Variants in CCDC102B observed in about 807,000 individuals in gnomAD.
CCDC102B encodes the protein coiled-coil domain containing 102B, also known as coiled-coil domain-containing protein 102B.
A neutral mutation model predicts 57.4 loss-of-function variants in CCDC102B; 75 were observed. The ratio of observed to expected loss-of-function variants is 1.31; its 90% CI spans 1.08 to 1.58. The LOEUF (loss-of-function observed/expected upper bound fraction) is 1.58, where lower values mean the gene tolerates loss of function less well. CCDC102B is among the 40% of genes most tolerant of loss of function. CCDC102B has a pLI of 0.00. For missense variants in CCDC102B, 636 were observed against 582.6 expected, an observed-to-expected ratio of 1.09 and a Z score of -0.94; for synonymous variants, 206 against 201.9, an observed-to-expected ratio of 1.02 and a Z score of -0.17.
At chr18:69,034,780 A>AAT (rs1291134030) in intron 7 of CCDC102B, among the ~76,000 whole-genome samples, 1 of 151,610 alleles carries the variant, frequency 6.6e-6, no homozygotes, top group Non-Finnish European at 1.5e-5. Context: ...CACACACACA[A>AAT]ATATATATAC....
In CCDC102B at chr18:69,055,113, C is replaced by T. The variant is rs537561440; in HGVS notation, c.*976C>T. The T allele has an allele frequency of 8.7e-4, 854 of 983,748 alleles. 1 individual carries two copies. Among genetic ancestry groups the T allele is most frequent in the Middle Eastern group, 2.6e-3 (5 of 1,914 alleles). 60.9% of individuals were successfully genotyped at this position (983,748 alleles called of 1,614,324 possible). A position where few individuals can be genotyped will look rare whatever the true frequency, so the allele number is the denominator to read the frequency against. ...AATAACATACTGGTTTTACTCATCTCCCCCTCCATTGATTAGCCAAAAAAA... is the reference window on the plus strand; with the variant it reads ...AATAACATACTGGTTTTACTCATCTTCCCCTCCATTGATTAGCCAAAAAAA... On this transcript the variant is annotated 3_prime_UTR_variant, in exon 8 of 8. Transcript: ENST00000360242.
At chr18:68,865,878 T>A (rs533501560) in intron 4 of CCDC102B, among the ~76,000 whole-genome samples, 95 of 152,308 alleles carry the variant, frequency 6.2e-4, no homozygotes, top group African/African-American at 2.1e-3. Flanking sequence ...TAGTTAAAAA[T>A]GTGGCTTTGC....
chr18:69,001,513 G>C (rs1199594021), intron 6 of CCDC102B, among the ~76,000 whole-genome samples: 1 of 152,020 alleles, frequency 6.6e-6, no homozygotes, highest in African/African-American at 2.4e-5. Context: ...AAAGAATCAG[G>C]GACTCTCTGA....
intron 6 of CCDC102B, among the ~76,000 whole-genome samples, chr18:68,928,790 A>T (rs1395236992): frequency 1.3e-5 from 2 of 151,926 alleles, no homozygotes; most frequent in South Asian, 2.1e-4. Flanking sequence ...GCTTTTAAGT[A>T]GAGGAAAACT....
In CCDC102B at chr18:68,970,018, A is replaced by T. The variant is rs79133490; in HGVS notation, c.1264-40916A>T. Among the ~76,000 whole-genome samples, 1,702 of 152,200 alleles carry T rather than the reference A, an allele frequency of 0.011. 82 individuals are homozygous for T. The East Asian group carries it at 0.15, about 13-fold the overall frequency. Reference sequence around the variant, plus strand: ...CTTTCAGCAAATCTTACCTCATGTAAATCCATCAGCCATGGTTGTTTTCCT... The same window carrying T: ...CTTTCAGCAAATCTTACCTCATGTATATCCATCAGCCATGGTTGTTTTCCT... On this transcript the variant is annotated intron_variant, in intron 6 of 7. Transcript: ENST00000360242.
intron 6 of CCDC102B, among the ~76,000 whole-genome samples, chr18:68,980,639 T>C (rs562805231): frequency 3.5e-4 from 53 of 152,182 alleles, no homozygotes; most frequent in African/African-American, 1.2e-3. Flanking sequence ...GGTGATAACC[T>C]GAGCAAAGAT....
At chr18:68,715,223 C>T (rs1192029641), upstream of CCDC102B, 21 of 1,362,746 alleles carry the variant, frequency 1.5e-5, no homozygotes, top group East Asian at 3.1e-5. Context: ...CTTAAGAATC[C>T]TTTGCGCTCT....
At chr18:68,971,036 T>C (rs569289632) in intron 6 of CCDC102B, among the ~76,000 whole-genome samples, 5 of 152,132 alleles carry the variant, frequency 3.3e-5, no homozygotes, top group Admixed American at 3.3e-4. Context: ...GTATGAACAT[T>C]ATGCAATAAA....
rs1201163137 is a variant in CCDC102B, at chr18:68,905,952, C to G, written c.1263+8524C>G. On this transcript the variant is annotated intron_variant, in intron 6 of 7. Coordinates refer to ENST00000360242, the MANE Select transcript of CCDC102B (RefSeq NM_024781.3). ...GGGACTACAGGCGCCCGCCACCACG[C>G]CCGGCTAATTTTTTGTATTTTTAGT... Among the ~76,000 whole-genome samples the G allele has an allele frequency of 3.3e-5, 5 of 151,976 alleles. No homozygotes were observed. In the East Asian group the frequency reaches 7.8e-4, roughly 24 times the overall value.
At chr18:68,958,748 G>C (rs975331104) in intron 6 of CCDC102B, among the ~76,000 whole-genome samples, 6 of 151,948 alleles carry the variant, frequency 3.9e-5, no homozygotes, top group Non-Finnish European at 7.4e-5. Flanking sequence ...AAGCTCATTA[G>C]TTCTTTCTTC....
chr18:69,035,577 C>T (rs919880502), intron 7 of CCDC102B, among the ~76,000 whole-genome samples: 2 of 152,044 alleles, frequency 1.3e-5, no homozygotes, highest in East Asian at 1.9e-4. Context: ...AATCATGTAA[C>T]AAATGCTATA....
intron 3 of CCDC102B, 31 bp from the exon 4 acceptor site, chr18:68,846,282 C>T: frequency 1.4e-6 from 2 of 1,391,460 alleles, no homozygotes; most frequent in Non-Finnish European, 1.9e-6. Context: ...TTGAAGCCGA[C>T]TTTTTTTCTT....
chr18:69,044,312 C>T (rs985868173), intron 7 of CCDC102B, among the ~76,000 whole-genome samples: 3 of 152,184 alleles, frequency 2.0e-5, no homozygotes. Flanking sequence ...TCTCATTTTG[C>T]CACAGTAACT....
chr18:68,958,377 T>A (rs2049961770), intron 6 of CCDC102B, among the ~76,000 whole-genome samples: 1 of 152,214 alleles, frequency 6.6e-6, no homozygotes, highest in Admixed American at 6.5e-5. Context: ...AGCACCTTGA[T>A]TTATTTGCAT....
intron 1 of CCDC102B, among the ~76,000 whole-genome samples, chr18:68,825,885 GA>G (rs1007095584): frequency 7.9e-5 from 12 of 152,050 alleles, no homozygotes; most frequent in Admixed American, 7.2e-4. Flanking sequence ...AGCACTTTAG[GA>G]AAATGAATCT....
chr18:69,054,099 A>T lies in CCDC102B; in HGVS notation c.1504A>T (p.Asn502Tyr), dbSNP rs1321283238. The change falls in exon 8 of 8, where the codon AAC becomes TAC. Residue 502 changes from asparagine (N) to tyrosine (Y), a missense_variant. Asn to Tyr is a moderately radical substitution (Grantham distance 143, BLOSUM62 -2). Transcript: ENST00000360242. ...SLDEEKERNENLETELRHLQN... is the reference protein window; with the variant it reads ...SLDEEKERNEYLETELRHLQN... Reference sequence around the variant, plus strand: ...GGATGAAGAGAAAGAAAGAAATGAAAACTTAGAGACTGAACTCAGGCACTT... The same window carrying T: ...GGATGAAGAGAAAGAAAGAAATGAATACTTAGAGACTGAACTCAGGCACTT... The T allele has an allele frequency of 3.7e-6, 6 of 1,607,746 alleles. No homozygotes were observed. The highest frequency in any genetic ancestry group is 4.2e-6 in the Non-Finnish European group (5 of 1,178,292).
chr18:68,934,643 A>C (rs2041784208), intron 6 of CCDC102B, among the ~76,000 whole-genome samples: 1 of 152,022 alleles, frequency 6.6e-6, no homozygotes, highest in South Asian at 2.1e-4. Flanking sequence ...GTAATTATCC[A>C]TTGAGAGGGA....
At chr18:69,007,946 A>G (rs1037115566) in intron 6 of CCDC102B, among the ~76,000 whole-genome samples, 3 of 152,114 alleles carry the variant, frequency 2.0e-5, no homozygotes, top group East Asian at 1.9e-4. Context: ...CTCCTTTTAA[A>G]TCGGTCTAAG....
intron 2 of CCDC102B, among the ~76,000 whole-genome samples, chr18:68,747,185 C>G (rs2033653437): frequency 6.6e-6 from 1 of 152,010 alleles, no homozygotes; most frequent in African/African-American, 2.4e-5. Flanking sequence ...TTCCTTCTAT[C>G]TAATTGTAAG....
Sources: allele counts gnomAD v4.1 joint callset (sites outside exome capture counted in the v4.1 genomes callset), GRCh38; gene constraint gnomAD v4.1.1; transcripts MANE v1.5; gene names NCBI Gene and HGNC (gene_info 2026-07-23, HGNC 2026-07-21).